Variants in MPDZ observed in about 807,000 individuals in gnomAD.
MPDZ encodes multiple PDZ domain crumbs cell polarity complex component.
A neutral mutation model predicts 239.1 loss-of-function variants in MPDZ; 234 were observed. That is an observed-to-expected ratio of 0.98 (90% CI 0.88 to 1.09). The LOEUF (loss-of-function observed/expected upper bound fraction) is 1.09, where lower values mean the gene tolerates loss of function less well. MPDZ is among the 50% of genes least tolerant of loss of function. MPDZ has a pLI of 0.00. For synonymous variants in MPDZ, 1,048 were observed against 881.3 expected, an observed-to-expected ratio of 1.19 and a Z score of -3.35; for missense variants, 3,175 against 2,510.0, an observed-to-expected ratio of 1.26 and a Z score of -5.66.
chr9:13,275,552 G>A (rs1316005478), intron 1 of MPDZ, among the ~76,000 whole-genome samples: 2 of 152,178 alleles, frequency 1.3e-5, no homozygotes, highest in African/African-American at 4.8e-5. Context: ...ACCAGGAAAT[G>A]GGGTGCTGCT....
At chr9:13,207,182 GA>G (rs1248059955) in intron 10 of MPDZ, among the ~76,000 whole-genome samples, 1 of 152,120 alleles carries the variant, frequency 6.6e-6, no homozygotes, top group Non-Finnish European at 1.5e-5. Context: ...TGTCTTTTCA[GA>G]AAAATACATT....
intron 39 of MPDZ, among the ~76,000 whole-genome samples, chr9:13,117,242 G>A (rs926915507): frequency 1.3e-5 from 2 of 152,054 alleles, no homozygotes; most frequent in Non-Finnish European, 2.9e-5. Flanking sequence ...GATTAGGAGC[G>A]ACTACTGTAT....
rs370969064 is a variant in MPDZ at position 13,122,173 on chromosome 9, A to G, written c.4954-3T>C. On this transcript the variant is annotated splice_polypyrimidine_tract_variant and splice_region_variant and intron_variant, in intron 36 of 46. Coordinates refer to ENST00000319217, the MANE Select transcript of MPDZ (RefSeq NM_001378778.1). Reference sequence around the variant, plus strand: ...ACTTCATGGATAATAATGGCACCCTAAGGGCCCAAACAAAACATACCCATA... The same window carrying G: ...ACTTCATGGATAATAATGGCACCCTGAGGGCCCAAACAAAACATACCCATA... 1.3e-4 allele frequency: 216 copies of G among 1,613,218 alleles called. No individual in the cohort carries two copies. The highest frequency in any genetic ancestry group is 1.2e-3 in the South Asian group (106 of 91,028).
At chr9:13,144,137 T>TA (rs1948127314) in intron 26 of MPDZ, among the ~76,000 whole-genome samples, 1 of 152,084 alleles carries the variant, frequency 6.6e-6, no homozygotes, top group Admixed American at 6.6e-5. Flanking sequence ...AGTAATTTAT[T>TA]AAAAAATGAA....
At chr9:13,173,568 TG>T (rs1379198047) in intron 21 of MPDZ, among the ~76,000 whole-genome samples, 1 of 151,982 alleles carries the variant, frequency 6.6e-6, no homozygotes, top group Non-Finnish European at 1.5e-5. Flanking sequence ...CTGGGCATGG[TG>T]GCAGAGGCCT....
chr9:13,168,280 A>T (rs1951329375), intron 22 of MPDZ, 86 bp downstream of exon 22: 2 of 1,271,340 alleles, frequency 1.6e-6, no homozygotes, highest in Non-Finnish European at 2.2e-6. Flanking sequence ...TTTGCATCTC[A>T]AACAGAAGTG....
intron 3 of MPDZ, among the ~76,000 whole-genome samples, chr9:13,234,366 G>C (rs1450748668): frequency 1.3e-5 from 2 of 151,952 alleles, no homozygotes; most frequent in African/African-American, 4.8e-5. Flanking sequence ...TGAAAAGAAA[G>C]TTAATATTAA....
chr9:13,247,178 C>T (rs1414746718), intron 3 of MPDZ, among the ~76,000 whole-genome samples: 1 of 152,164 alleles, frequency 6.6e-6, no homozygotes, highest in Non-Finnish European at 1.5e-5. Flanking sequence ...TGTAATTATT[C>T]CTTTTACTGT....
At chr9:13,158,717 G>A (rs923272372) in intron 23 of MPDZ, among the ~76,000 whole-genome samples, 9 of 152,164 alleles carry the variant, frequency 5.9e-5, no homozygotes, top group Admixed American at 5.2e-4. Flanking sequence ...CTGTGTTCAA[G>A]GTCACCTTCC....
At chr9:13,139,137 T>G (rs1379540567) in intron 28 of MPDZ, among the ~76,000 whole-genome samples, 1 of 152,332 alleles carries the variant, frequency 6.6e-6, no homozygotes. Flanking sequence ...ATGCCATGCA[T>G]TCTACATTGA....
intron 26 of MPDZ, 125 bp from the exon 27 acceptor site, chr9:13,143,689 T>C: frequency 1.4e-6 from 1 of 738,780 alleles, no homozygotes. Context: ...TCAGATCCAG[T>C]CATTAATAGC....
chr9:13,199,170 T>C (rs1342151061), intron 12 of MPDZ, among the ~76,000 whole-genome samples: 1 of 152,088 alleles, frequency 6.6e-6, no homozygotes. Context: ...TATTTTTGTG[T>C]CCTTTTCAAT....
intron 14 of MPDZ, 96 bp downstream of exon 14, chr9:13,193,071 G>C (rs1386065886): frequency 1.7e-6 from 2 of 1,197,376 alleles, no homozygotes; most frequent in Admixed American, 3.4e-5. Flanking sequence ...CCTTTGGAGG[G>C]GAAATTTAAA....
intron 1 of MPDZ, among the ~76,000 whole-genome samples, chr9:13,251,587 G>T (rs1046232075): frequency 1.3e-5 from 2 of 152,146 alleles, no homozygotes; most frequent in Non-Finnish European, 2.9e-5. Flanking sequence ...ACCACCACAC[G>T]TTCTCATTTT....
At chr9:13,251,823 A>C in intron 1 of MPDZ, among the ~76,000 whole-genome samples, 1 of 152,212 alleles carries the variant, frequency 6.6e-6, no homozygotes, top group East Asian at 1.9e-4. Context: ...CTCCATTTCA[A>C]ATGTTAAATT....
At chr9:13,211,219 C>T (rs1283364968) in intron 10 of MPDZ, among the ~76,000 whole-genome samples, 2 of 151,902 alleles carry the variant, frequency 1.3e-5, no homozygotes, top group African/African-American at 4.8e-5. Flanking sequence ...ACAAGAATAC[C>T]CCAAGACATG....
rs78422911 is a variant in MPDZ, at chr9:13,230,706, T to C, written c.184-6123A>G. On this transcript the variant is annotated intron_variant, in intron 3 of 46. Transcript: ENST00000319217. ...ATAGATCTGATCTTGATTGTGGGGA[T>C]AGCTAGGTTAATCTATATAAGTAAA... is the stretch of plus-strand genomic sequence containing the variant. Among the ~76,000 whole-genome samples, 6 of 152,176 alleles carry C rather than the reference T, an allele frequency of 3.9e-5. No homozygotes were observed. The East Asian group carries it at 5.8e-4, about 15-fold the overall frequency.
At chr9:13,157,462 A>C (rs1949959952) in intron 24 of MPDZ, among the ~76,000 whole-genome samples, 1 of 152,122 alleles carries the variant, frequency 6.6e-6, no homozygotes, top group South Asian at 2.1e-4. Context: ...ACTAAAGTTG[A>C]TTTTACTCAG....
At chr9:13,173,792 T>G (rs1952104287) in intron 21 of MPDZ, among the ~76,000 whole-genome samples, 1 of 152,120 alleles carries the variant, frequency 6.6e-6, no homozygotes, top group Admixed American at 6.5e-5. Context: ...AAGAGCCTCC[T>G]AACTGCTTCA....
Sources: gnomAD v4.1 joint callset for allele counts (sites outside exome capture counted in the v4.1 genomes callset) on GRCh38, gnomAD v4.1.1 for gene constraint, MANE v1.5 for transcripts, NCBI Gene and HGNC (gene_info 2026-07-23, HGNC 2026-07-21) for gene names.